PKD2L1: variants seen among roughly 807,000 people sequenced by gnomAD.
PKD2L1 encodes the protein polycystin 2 like 1, transient receptor potential cation channel.
PKD2L1 carries 77 observed loss-of-function variants against 93.0 expected under a neutral mutation model. That is an observed-to-expected ratio of 0.83 (90% CI 0.69 to 1.00). PKD2L1 has a LOEUF of 1.00. PKD2L1 is among the 50% of genes least tolerant of loss of function. The pLI is 0.00. For missense variants in PKD2L1, 977 were observed against 990.9 expected, an observed-to-expected ratio of 0.99 and a Z score of 0.19; for synonymous variants, 390 against 388.0, an observed-to-expected ratio of 1.01 and a Z score of -0.06.
At chr10:100,312,957 C>G (rs1351041727) in intron 2 of PKD2L1, among the ~76,000 whole-genome samples, 1 of 151,730 alleles carries the variant, frequency 6.6e-6, no homozygotes, top group East Asian at 1.9e-4. Flanking sequence ...GATAAGGTAA[C>G]ATTTCTGCAG....
intron 7 of PKD2L1, 46 bp from the exon 8 acceptor site, chr10:100,295,169 A>T: frequency 6.5e-7 from 1 of 1,537,254 alleles, no homozygotes; most frequent in Non-Finnish European, 9.0e-7. Context: ...GAAAAGGGAA[A>T]AGCATTGAAA....
intron 7 of PKD2L1, among the ~76,000 whole-genome samples, chr10:100,295,428 T>TAAA (rs751427378): frequency 7.0e-5 from 5 of 71,200 alleles, no homozygotes; most frequent in Admixed American, 3.4e-4. Context: ...CTGGGACCAT[T>TAAA]AAAAAAAAAA....
At chr10:100,315,916 A>G (rs1849091528) in intron 2 of PKD2L1, among the ~76,000 whole-genome samples, 1 of 150,342 alleles carries the variant, frequency 6.7e-6, no homozygotes, top group Admixed American at 6.6e-5. Flanking sequence ...AATGACTTAA[A>G]AACAGTTAAA....
rs769382023 is a variant in PKD2L1 at position 100,295,072 on chromosome 10, G to C, written c.1408C>G (p.Leu470Val). Reference protein sequence around the residue: ...NKTMTQLSSTLARCAKDILGF... With the variant: ...NKTMTQLSSTVARCAKDILGF... Reference sequence around the variant, plus strand: ...AGGATGTCCTTGGCACAGCGGGCCAGCGTGGAGGAGAGCTGGGTCATGGTT... The same window carrying C: ...AGGATGTCCTTGGCACAGCGGGCCACCGTGGAGGAGAGCTGGGTCATGGTT... Residue 470 changes from leucine to valine, a missense_variant, in exon 8 of 16, where the codon CTG (leucine) becomes GTG (valine). Coordinates refer to ENST00000318222, the MANE Select transcript of PKD2L1 (RefSeq NM_016112.3). 8 of 1,614,180 alleles carry C rather than the reference G, an allele frequency of 5.0e-6. No individual in the cohort carries two copies. In the South Asian group the frequency reaches 6.6e-5, roughly 13 times the overall value.
intron 2 of PKD2L1, among the ~76,000 whole-genome samples, chr10:100,314,204 T>C (rs1446129392): frequency 6.6e-6 from 1 of 152,082 alleles, no homozygotes; most frequent in Non-Finnish European, 1.5e-5. Context: ...AAACTTTTCC[T>C]GGGGTTCAAG....
At chr10:100,327,069 C>A (rs1203645006) in intron 2 of PKD2L1, among the ~76,000 whole-genome samples, 2 of 152,170 alleles carry the variant, frequency 1.3e-5, no homozygotes, top group Non-Finnish European at 2.9e-5. Context: ...GGAAGTGAGC[C>A]TCTGAGGGGA....
chr10:100,317,473 A>C (rs1203848320), intron 2 of PKD2L1, among the ~76,000 whole-genome samples: 1 of 151,956 alleles, frequency 6.6e-6, no homozygotes, highest in African/African-American at 2.4e-5. Context: ...CAAGAGGTCA[A>C]GGGTACAGTG....
chr10:100,310,342 CAACAAACA>C (rs113540923), intron 2 of PKD2L1, among the ~76,000 whole-genome samples: 22 of 151,948 alleles, frequency 1.4e-4, no homozygotes, highest in Admixed American at 3.9e-4. Flanking sequence ...CTGTCTCAAA[CAACAAACA>C]AACAAACAAA....
intron 2 of PKD2L1, among the ~76,000 whole-genome samples, chr10:100,302,096 A>G (rs1848692708): frequency 6.6e-6 from 1 of 152,274 alleles, no homozygotes; most frequent in South Asian, 2.1e-4. Context: ...TGGCCTCCCA[A>G]AGTGCTGGGA....
At chr10:100,303,355 G>C (rs554388948) in intron 2 of PKD2L1, among the ~76,000 whole-genome samples, 2 of 152,104 alleles carry the variant, frequency 1.3e-5, no homozygotes, top group Middle Eastern at 3.4e-3. Context: ...CACGACGCCC[G>C]GCTAATTTTA....
At chr10:100,321,826 A>AAG (rs1193358783) in intron 2 of PKD2L1, among the ~76,000 whole-genome samples, 1 of 63,656 alleles carries the variant, frequency 1.6e-5, no homozygotes, top group African/African-American at 7.5e-5. Flanking sequence ...AAGGAAAGAA[A>AAG]GAAAGAAGGA....
chr10:100,296,323 G>C, intron 6 of PKD2L1, 31 bp from the exon 7 acceptor site: 1 of 1,532,442 alleles, frequency 6.5e-7, no homozygotes, highest in Non-Finnish European at 8.7e-7. Flanking sequence ...GGGTGTCAGA[G>C]AAGGCAAGGG....
chr10:100,288,608 T>C, intron 15 of PKD2L1, 130 bp from the exon 16 acceptor site: 1 of 661,272 alleles, frequency 1.5e-6, no homozygotes, highest in East Asian at 2.6e-5. Context: ...TCTACCTTTT[T>C]CACAGACCAT....
chr10:100,307,539 G>A (rs1052390016), intron 2 of PKD2L1, among the ~76,000 whole-genome samples: 3 of 152,124 alleles, frequency 2.0e-5, no homozygotes, highest in Non-Finnish European at 2.9e-5. Flanking sequence ...GGGCACCTGT[G>A]ATCCCAGCTA....
At chr10:100,294,868 TC>T in intron 8 of PKD2L1, 73 bp downstream of exon 8, 1 of 1,417,282 alleles carries the variant, frequency 7.1e-7, no homozygotes, top group Non-Finnish European at 9.8e-7. Context: ...GTACCCATCT[TC>T]CCCAAGGATA....
At chr10:100,308,079 G>T (rs772892806) in intron 2 of PKD2L1, among the ~76,000 whole-genome samples, 5 of 152,082 alleles carry the variant, frequency 3.3e-5, no homozygotes, top group Non-Finnish European at 7.4e-5. Context: ...CTAGGTGATG[G>T]TTTCATGTCA....
At position 100,298,690 on chromosome 10, in the gene PKD2L1, C is replaced by G; in HGVS notation, c.603G>C (p.Arg201=). The change falls in exon 4 of 16, where the codon CGG becomes CGC. Residue 201 remains arginine, a synonymous_variant. Coordinates refer to ENST00000318222, the MANE Select transcript of PKD2L1 (RefSeq NM_016112.3). ...AGGAGTCATTGCGGACCTTTAGCTG[C>G]CGCAGCCTCGGAACCCCCAGCAGCA... ...ENMLLGVPRL[R]QLKVRNDSCV... 1 of 1,614,172 alleles carries G rather than the reference C, an allele frequency of 6.2e-7. No individual in the cohort carries two copies. The highest frequency in any genetic ancestry group is 8.5e-7 in the Non-Finnish European group (1 of 1,180,024).
intron 2 of PKD2L1, 150 bp downstream of exon 2, chr10:100,329,061 G>A (rs1849441287): frequency 1.5e-6 from 1 of 645,758 alleles, no homozygotes; most frequent in Non-Finnish European, 2.6e-6. Context: ...AGATGGGATT[G>A]GAATATTGTT....
At chr10:100,288,515 A>G in intron 15 of PKD2L1, 37 bp from the exon 16 acceptor site, 1 of 1,270,078 alleles carries the variant, frequency 7.9e-7, no homozygotes, top group Non-Finnish European at 1.2e-6. Flanking sequence ...GGTGCTAGCA[A>G]CAAATCTTGG....
Sources: gnomAD v4.1 joint callset for allele counts (sites outside exome capture counted in the v4.1 genomes callset) on GRCh38, gnomAD v4.1.1 for gene constraint, MANE v1.5 for transcripts, NCBI Gene and HGNC (gene_info 2026-07-23, HGNC 2026-07-21) for gene names.